The following NDRG1 variants were observed in gnomAD, a reference collection of about 807,000 sequenced individuals.
The protein encoded by NDRG1 is N-myc downstream regulated 1.
A neutral mutation model predicts 56.9 loss-of-function variants in NDRG1; 32 were observed. That is an observed-to-expected ratio of 0.56 (90% CI 0.42 to 0.76). The LOEUF is 0.76. Among genes scored for constraint, NDRG1 ranks in the 30% least tolerant of loss-of-function variants. The pLI, the probability that NDRG1 is intolerant of heterozygous loss-of-function variation, is 0.00. For missense variants in NDRG1, 507 were observed against 545.7 expected, an observed-to-expected ratio of 0.93 and a Z score of 0.71; for synonymous variants, 211 against 204.1, an observed-to-expected ratio of 1.03 and a Z score of -0.29.
intron 3 of NDRG1, among the ~76,000 whole-genome samples, chr8:133,267,119 G>C (rs1255257859): frequency 6.6e-6 from 1 of 152,106 alleles, no homozygotes; most frequent in Non-Finnish European, 1.5e-5. Context: ...CCACCATCGT[G>C]CTTCTGCAGA....
intron 1 of NDRG1, among the ~76,000 whole-genome samples, chr8:133,293,564 A>T (rs548493311): frequency 4.6e-5 from 7 of 152,210 alleles, no homozygotes; most frequent in Non-Finnish European, 1.0e-4. Context: ...CCTCCAAGGC[A>T]CTATAGCAAA....
At chr8:133,270,810 C>G (rs1036711561) in intron 3 of NDRG1, among the ~76,000 whole-genome samples, 1 of 152,190 alleles carries the variant, frequency 6.6e-6, no homozygotes, top group Non-Finnish European at 1.5e-5. Flanking sequence ...AATACTTATC[C>G]TAATGATATA....
intron 3 of NDRG1, among the ~76,000 whole-genome samples, chr8:133,277,328 C>G (rs1257593616): frequency 1.3e-5 from 2 of 152,152 alleles, no homozygotes; most frequent in African/African-American, 4.8e-5. Context: ...CTTTGGGAGG[C>G]TGAGGCAGGT....
At chr8:133,244,097 C>T (rs1855532728) in intron 14 of NDRG1, among the ~76,000 whole-genome samples, 1 of 152,202 alleles carries the variant, frequency 6.6e-6, no homozygotes, top group Non-Finnish European at 1.5e-5. Context: ...CAGACATACC[C>T]AGATTCTGAC....
At position 133,244,336 on chromosome 8, in the gene NDRG1, AAG is replaced by A; in HGVS notation, c.891+17_891+18del. On this transcript the variant is annotated intron_variant, in intron 14 of 15. Coordinates refer to ENST00000323851, the MANE Select transcript of NDRG1 (RefSeq NM_006096.4). Reference sequence around the variant, plus strand: ...GGGAAGCGACAGCTGTATAATGCAAAAGCCAACATGGCACTCACCTGGGAGAT... The same window carrying A: ...GGGAAGCGACAGCTGTATAATGCAAACCAACATGGCACTCACCTGGGAGAT... 1 of 1,614,170 alleles carries A rather than the reference AAG, an allele frequency of 6.2e-7. No individual in the cohort carries two copies. Among genetic ancestry groups the A allele is most frequent in the Non-Finnish European group, 8.5e-7 (1 of 1,180,042 alleles).
chr8:133,281,641 C>T (rs182536535), intron 2 of NDRG1, among the ~76,000 whole-genome samples: 1 of 152,058 alleles, frequency 6.6e-6, no homozygotes, highest in Non-Finnish European at 1.5e-5. Context: ...CTCAGCAGAG[C>T]GAAATGCAAA....
Position 133,277,062 on chromosome 8 carries a change from C to T in NDRG1, c.99+3170G>A, listed in dbSNP as rs540891397. 2.5e-3 allele frequency among the ~76,000 whole-genome samples: 380 copies of T among 152,346 alleles called. 4 individuals are homozygous for T. Among genetic ancestry groups the T allele is most frequent in the African/African-American group, 8.8e-3 (364 of 41,572 alleles). ...ATGAACCCTGAGGACACGATGCTAACTTATACCAGCCAGACACTGGCAAAG... is the reference window on the plus strand; with the variant it reads ...ATGAACCCTGAGGACACGATGCTAATTTATACCAGCCAGACACTGGCAAAG... On this transcript the variant is annotated intron_variant, in intron 3 of 15. Coordinates refer to ENST00000323851, the MANE Select transcript of NDRG1 (RefSeq NM_006096.4).
At chr8:133,280,295 T>C in intron 2 of NDRG1, 28 bp from the exon 3 acceptor site, 1 of 1,609,888 alleles carries the variant, frequency 6.2e-7, no homozygotes, top group Non-Finnish European at 8.5e-7. Flanking sequence ...AAATTGTCAA[T>C]TTCATCTGTT....
chr8:133,267,266 G>C (rs1008366369), intron 3 of NDRG1, among the ~76,000 whole-genome samples: 2 of 152,192 alleles, frequency 1.3e-5, no homozygotes, highest in African/African-American at 2.4e-5. Flanking sequence ...CCCTCCTCAA[G>C]GTTACCTAAA....
intron 14 of NDRG1, among the ~76,000 whole-genome samples, chr8:133,242,568 T>C (rs1855444733): frequency 6.6e-6 from 1 of 152,154 alleles, no homozygotes; most frequent in African/African-American, 2.4e-5. Flanking sequence ...AAGTAAGTGG[T>C]GGGTCCTGTA....
At chr8:133,250,413 T>C (rs372967715) in intron 10 of NDRG1, 27 bp downstream of exon 10, 2 of 1,580,894 alleles carry the variant, frequency 1.3e-6, no homozygotes, top group Non-Finnish European at 1.7e-6. Flanking sequence ...TAAATAGCAA[T>C]GATGTGGCTG....
intron 2 of NDRG1, among the ~76,000 whole-genome samples, chr8:133,282,605 T>C (rs1377791621): frequency 6.6e-6 from 1 of 152,246 alleles, no homozygotes; most frequent in Non-Finnish European, 1.5e-5. Flanking sequence ...ACCCAGAGTT[T>C]AGAGGACACA....
intron 3 of NDRG1, among the ~76,000 whole-genome samples, chr8:133,275,995 C>G (rs1857436401): frequency 6.6e-6 from 1 of 152,210 alleles, no homozygotes; most frequent in Admixed American, 6.5e-5. Flanking sequence ...TAAACTAATG[C>G]CAGGCACAAA....
chr8:133,275,309 T>G (rs565487812), intron 3 of NDRG1, among the ~76,000 whole-genome samples: 73 of 152,370 alleles, frequency 4.8e-4, no homozygotes, highest in South Asian at 8.3e-4. Flanking sequence ...GATTTTCTTT[T>G]GGTAACAACC....
chr8:133,270,427 G>A (rs963019856), intron 3 of NDRG1, among the ~76,000 whole-genome samples: 3 of 152,212 alleles, frequency 2.0e-5, no homozygotes, highest in African/African-American at 7.2e-5. Flanking sequence ...CAAAGTGCCT[G>A]ATAAAGTGGT....
intron 2 of NDRG1, among the ~76,000 whole-genome samples, chr8:133,282,806 A>G (rs979511526): frequency 6.6e-6 from 1 of 152,216 alleles, no homozygotes; most frequent in Non-Finnish European, 1.5e-5. Flanking sequence ...GATATTTACT[A>G]TTTGACCCTT....
chr8:133,294,463 C>CA (rs1374597381), intron 1 of NDRG1, among the ~76,000 whole-genome samples: 1 of 152,192 alleles, frequency 6.6e-6, no homozygotes, highest in East Asian at 1.9e-4. Flanking sequence ...GCTGAGTCAT[C>CA]ACGCTTTCTC....
At chr8:133,266,190 T>A (rs1043103266) in intron 3 of NDRG1, among the ~76,000 whole-genome samples, 6 of 152,172 alleles carry the variant, frequency 3.9e-5, no homozygotes, top group Non-Finnish European at 8.8e-5. Flanking sequence ...ACAATCAGCC[T>A]CCGCGGGGCC....
chr8:133,261,706 C>T (rs1054779064), intron 5 of NDRG1, among the ~76,000 whole-genome samples: 3 of 152,158 alleles, frequency 2.0e-5, no homozygotes, highest in Non-Finnish European at 2.9e-5. Context: ...GCACACCTAT[C>T]GTAACGCCAG....
Sources: allele counts gnomAD v4.1 joint callset (sites outside exome capture counted in the v4.1 genomes callset), GRCh38; gene constraint gnomAD v4.1.1; transcripts MANE v1.5; gene names NCBI Gene and HGNC (gene_info 2026-07-23, HGNC 2026-07-21).